RNF144B: variants seen among roughly 807,000 people sequenced by gnomAD.
RNF144B encodes the protein E3 ubiquitin-protein ligase RNF144B.
In RNF144B, 25 loss-of-function variants were observed where a neutral mutation model predicts 40.2. That is an observed-to-expected ratio of 0.62 (90% CI 0.45 to 0.87). The LOEUF (loss-of-function observed/expected upper bound fraction) is 0.87, where lower values mean the gene tolerates loss of function less well. Ranked by LOEUF, RNF144B falls within the 40% of genes least tolerant of loss-of-function variation. RNF144B has a pLI of 0.00. For synonymous variants in RNF144B, 145 were observed against 136.3 expected, an observed-to-expected ratio of 1.06 and a Z score of -0.44; for missense variants, 365 against 373.7, an observed-to-expected ratio of 0.98 and a Z score of 0.19.
chr6:18,452,384 T>C lies in RNF144B; in HGVS notation c.332-4771T>C, dbSNP rs1317525306. Among the ~76,000 whole-genome samples the C allele has an allele frequency of 2.6e-5, 4 of 152,148 alleles. No individual in the cohort carries two copies. The South Asian group carries it at 8.3e-4, about 32-fold the overall frequency. On this transcript the variant is annotated intron_variant, in intron 4 of 7. Coordinates refer to ENST00000259939, the MANE Select transcript of RNF144B (RefSeq NM_182757.4). ...AGGCATGTGCACAATAGAAGGTAGT[T>C]CACTTAAGAATGGATAGGTTATGAC...
intron 1 of RNF144B, among the ~76,000 whole-genome samples, chr6:18,391,925 G>A (rs574075537): frequency 2.7e-5 from 4 of 150,216 alleles, no homozygotes; most frequent in East Asian, 2.0e-4. Context: ...AGGGCCAGGC[G>A]CGGTGACTTA....
intron 6 of RNF144B, among the ~76,000 whole-genome samples, chr6:18,462,062 A>G (rs1759467169): frequency 6.6e-6 from 1 of 152,102 alleles, no homozygotes; most frequent in African/African-American, 2.4e-5. Flanking sequence ...CACTCTCTCA[A>G]CATATCCATG....
Position 18,467,397 on chromosome 6 carries a change from T to C in RNF144B, c.*2330T>C, listed in dbSNP as rs932807257. On this transcript the variant is annotated 3_prime_UTR_variant, in exon 8 of 8. Coordinates refer to ENST00000259939, the MANE Select transcript of RNF144B (RefSeq NM_182757.4). ...AGTTTGTATCACTGAATTAGCTGCTTTTGTTTTTTTTTTTTTTTTTTTGCC... is the reference window on the plus strand; with the variant it reads ...AGTTTGTATCACTGAATTAGCTGCTCTTGTTTTTTTTTTTTTTTTTTTGCC... 2.7e-5 allele frequency: 2 copies of C among 75,360 alleles called. No homozygotes were observed. Among genetic ancestry groups the C allele is most frequent in the Admixed American group, 3.5e-4 (2 of 5,672 alleles). 4.7% of individuals were successfully genotyped at this position (75,360 alleles called of 1,614,324 possible).
rs1795217805 is a variant in RNF144B at position 18,419,712 on chromosome 6, T to C, written c.166-7869T>C. On this transcript the variant is annotated intron_variant, in intron 2 of 7. Coordinates refer to ENST00000259939, the MANE Select transcript of RNF144B (RefSeq NM_182757.4). The surrounding 1 kb of genome is among the most constrained non-coding windows in gnomAD (Gnocchi z 4.6). ...GTTGAGTGGCAGGGAGGAGTTGGGA[T>C]GGGATTGGTGAAGGAGTGAGGGAAG... is the stretch of plus-strand genomic sequence containing the variant. 1.3e-5 allele frequency among the ~76,000 whole-genome samples: 2 copies of C among 151,934 alleles called. No homozygotes were observed. Among genetic ancestry groups the C allele is most frequent in the South Asian group, 4.2e-4 (2 of 4,818 alleles).
intron 4 of RNF144B, among the ~76,000 whole-genome samples, chr6:18,451,957 C>T (rs1332896028): frequency 1.3e-5 from 2 of 152,036 alleles, no homozygotes; most frequent in Admixed American, 1.3e-4. Context: ...AATTTGAGAG[C>T]CCTAATTGAG....
chr6:18,423,744 T>C (rs1173082428), intron 2 of RNF144B, among the ~76,000 whole-genome samples: 3 of 149,936 alleles, frequency 2.0e-5, no homozygotes, highest in Non-Finnish European at 3.0e-5. Context: ...TTAAAGGTTG[T>C]GGAGTGAGTT....
In RNF144B at chr6:18,442,117, A is replaced by G. The variant is rs1269421105; in HGVS notation, c.331+2373A>G. 6.6e-6 allele frequency among the ~76,000 whole-genome samples: 1 copy of G among 151,804 alleles called. No individual in the cohort carries two copies. Among genetic ancestry groups the G allele is most frequent in the Non-Finnish European group, 1.5e-5 (1 of 67,928 alleles). Reference sequence around the variant, plus strand: ...TGGGGCAAGGTAGATGTGGAAAATCATTGGCTAAGATTTCCACTCTTTCCC... The same window carrying G: ...TGGGGCAAGGTAGATGTGGAAAATCGTTGGCTAAGATTTCCACTCTTTCCC... On this transcript the variant is annotated intron_variant, in intron 4 of 7. Transcript: ENST00000259939. This position sits in a 1 kb window ranked among gnomAD's most constrained non-coding sequence, Gnocchi z 4.3.
intron 4 of RNF144B, among the ~76,000 whole-genome samples, chr6:18,454,044 A>G (rs1009914982): frequency 2.0e-5 from 3 of 152,200 alleles, no homozygotes; most frequent in Non-Finnish European, 4.4e-5. Flanking sequence ...TGAAAACACA[A>G]ATTATTTTTT....
At position 18,387,423 on chromosome 6, in the gene RNF144B, G is replaced by A; in HGVS notation, c.-244G>A. 1 of 1,183,564 alleles carries A rather than the reference G, an allele frequency of 8.4e-7. No individual in the cohort carries two copies. The highest frequency in any genetic ancestry group is 1.1e-6 in the Non-Finnish European group (1 of 932,908). 73.3% of individuals were successfully genotyped at this position (1,183,564 alleles called of 1,614,324 possible). On this transcript the variant is annotated 5_prime_UTR_variant, in exon 1 of 8. Coordinates refer to ENST00000259939, the MANE Select transcript of RNF144B (RefSeq NM_182757.4). ...CCAGTCAAGGCTAGGAGGCGGTCGGGGACTCCGCCTCCTCCCGACCCGTAG... is the reference window on the plus strand; with the variant it reads ...CCAGTCAAGGCTAGGAGGCGGTCGGAGACTCCGCCTCCTCCCGACCCGTAG...
At chr6:18,439,552 G>A in intron 3 of RNF144B, 132 bp from the exon 4 acceptor site, 2 of 651,208 alleles carry the variant, frequency 3.1e-6, no homozygotes, top group Non-Finnish European at 2.8e-6. Context: ...GAACAGTGTG[G>A]AGAAAAAGAG....
intron 4 of RNF144B, among the ~76,000 whole-genome samples, chr6:18,455,705 A>C (rs999381872): frequency 6.6e-6 from 1 of 152,140 alleles, no homozygotes; most frequent in African/African-American, 2.4e-5. Flanking sequence ...TGGAAAGAAC[A>C]TGGGGTCTGC....
rs1436847384 is a variant in RNF144B at position 18,467,650 on chromosome 6, T to A, written c.*2583T>A. ...AGAGAGCTGGCGACTTATTTTTATT[T>A]TTATTTTTTGGACAGAGTCTCCCTT... is the stretch of plus-strand genomic sequence containing the variant. On this transcript the variant is annotated 3_prime_UTR_variant, in exon 8 of 8. Coordinates refer to ENST00000259939, the MANE Select transcript of RNF144B (RefSeq NM_182757.4). 1 of 151,558 alleles carries A rather than the reference T, an allele frequency of 6.6e-6. No individual in the cohort carries two copies. Among genetic ancestry groups the A allele is most frequent in the Non-Finnish European group, 1.5e-5 (1 of 67,890 alleles). The allele number at this position is 151,558 out of a possible 1,614,324, so 9.4% of individuals were successfully genotyped here. A position where few individuals can be genotyped will look rare whatever the true frequency, so the allele number is the denominator to read the frequency against.
chr6:18,425,662 G>A lies in RNF144B; in HGVS notation c.166-1919G>A, dbSNP rs570526582. 2.6e-5 allele frequency among the ~76,000 whole-genome samples: 4 copies of A among 152,278 alleles called. No homozygotes were observed. The highest frequency in any genetic ancestry group is 5.9e-5 in the Non-Finnish European group (4 of 68,012). On this transcript the variant is annotated intron_variant, in intron 2 of 7. Coordinates refer to ENST00000259939, the MANE Select transcript of RNF144B (RefSeq NM_182757.4). The surrounding 1 kb of genome is among the most constrained non-coding windows in gnomAD (Gnocchi z 4.2). ...AACACAGTAATTATATGGCGGTCAAGTGCAAGAGAGGAGTGACTGCAGAGG... is the reference window on the plus strand; with the variant it reads ...AACACAGTAATTATATGGCGGTCAAATGCAAGAGAGGAGTGACTGCAGAGG...
chr6:18,396,412 TC>T, intron 1 of RNF144B: 1 of 979,182 alleles, frequency 1.0e-6, no homozygotes, highest in Non-Finnish European at 1.2e-6. Flanking sequence ...AATATTTCCT[TC>T]TAAAAAAATA....
At position 18,441,840 on chromosome 6, in the gene RNF144B, TA is replaced by T; in HGVS notation, c.331+2099del. On this transcript the variant is annotated intron_variant, in intron 4 of 7. Coordinates refer to ENST00000259939, the MANE Select transcript of RNF144B (RefSeq NM_182757.4). The surrounding 1 kb of genome is among the most constrained non-coding windows in gnomAD (Gnocchi z 4.9). ...TGAGGATTATGTGAATTAATACTTG[TA>T]AAGCACTTCCTGTGAGTGCTTCCTG... Among the ~76,000 whole-genome samples the T allele has an allele frequency of 6.6e-6, 1 of 152,346 alleles. No homozygotes were observed. Among genetic ancestry groups the T allele is most frequent in the South Asian group, 2.1e-4 (1 of 4,830 alleles).
In RNF144B at chr6:18,448,491, G is replaced by A. The variant is rs1363224169; in HGVS notation, c.332-8664G>A. Among the ~76,000 whole-genome samples, 1 of 152,022 alleles carries A rather than the reference G, an allele frequency of 6.6e-6. No individual in the cohort carries two copies. The highest frequency in any genetic ancestry group is 1.9e-4 in the East Asian group (1 of 5,190). ...TAATGCAGATTTGAAGCAAAAGGAG[G>A]AGCTTTATGTAATATGAAAGTATAG... On this transcript the variant is annotated intron_variant, in intron 4 of 7. Coordinates refer to ENST00000259939, the MANE Select transcript of RNF144B (RefSeq NM_182757.4). This position sits in a 1 kb window ranked among gnomAD's most constrained non-coding sequence, Gnocchi z 4.0.
rs75987727 is a variant in RNF144B, at chr6:18,429,229, A to G, written c.270+1544A>G. 5.3e-3 allele frequency among the ~76,000 whole-genome samples: 803 copies of G among 152,218 alleles called. 11 individuals are homozygous for G. Among genetic ancestry groups the G allele is most frequent in the African/African-American group, 0.018 (763 of 41,544 alleles). On this transcript the variant is annotated intron_variant, in intron 3 of 7. Transcript: ENST00000259939. The stretch of plus-strand genomic sequence containing the variant: ...AAAATGGGAATGGGGGCATAGAACT[A>G]GGTAGGTAGATAGAATGTATGATAA...
Position 18,465,224 on chromosome 6 carries a change from A to G in RNF144B, c.*157A>G, listed in dbSNP as rs541576519. 2.1e-4 allele frequency: 142 copies of G among 689,266 alleles called. No homozygotes were observed. Among genetic ancestry groups the G allele is most frequent in the African/African-American group, 1.4e-3 (78 of 55,570 alleles). 42.7% of individuals were successfully genotyped at this position (689,266 alleles called of 1,614,324 possible). ...GCCTGCCAGCCTTCAGCATCAGGAA[A>G]GGCCAAGTCCTGGGTGTGAGTGTTC... On this transcript the variant is annotated 3_prime_UTR_variant, in exon 8 of 8. Transcript: ENST00000259939.
intron 2 of RNF144B, among the ~76,000 whole-genome samples, chr6:18,423,724 A>G (rs890850767): frequency 7.2e-5 from 11 of 152,140 alleles, no homozygotes; most frequent in African/African-American, 2.2e-4. Context: ...GTTAGATCCC[A>G]TATGAATCCT....
Sources: gnomAD v4.1 joint callset for allele counts (sites outside exome capture counted in the v4.1 genomes callset) on GRCh38, gnomAD v4.1.1 for gene constraint, Gnocchi (gnomAD v3.1) non-coding constraint, MANE v1.5 for transcripts, NCBI Gene and HGNC (gene_info 2026-07-23, HGNC 2026-07-21) for gene names.